The following CDKL5 variants were observed in gnomAD, a reference collection of about 807,000 sequenced individuals.
CDKL5 encodes cyclin dependent kinase like 5, also known as cyclin-dependent kinase-like 5.
A neutral mutation model predicts 61.7 loss-of-function variants in CDKL5; 8 were observed. The observed-to-expected ratio is 0.13, with a 90% CI of 0.08 to 0.23. CDKL5 has a LOEUF of 0.23. CDKL5 is among the 10% of genes least tolerant of loss of function. The pLI is 1.00. For missense variants in CDKL5, 440 were observed against 734.5 expected (o/e 0.60, Z 4.63); for synonymous variants, 275 against 272.3 (o/e 1.01, Z -0.10).
At chrX:18,588,204 A>G in intron 9 of CDKL5, 61 bp downstream of exon 9, 2 of 863,029 alleles carry the variant, frequency 2.3e-6, no homozygotes, top group Non-Finnish European at 1.7e-6. Context: ...GTCATTGTTC[A>G]TTGCACAATG....
intron 1 of CDKL5, chrX:18,426,251 A>G (rs948356312): frequency 3.5e-5 from 4 of 112,703 alleles, no homozygotes; most frequent in African/African-American, 9.6e-5. Context: ...CGGCTCCGCA[A>G]CCTCCCCCGG....
chrX:18,451,247 A>G (rs1338468207), intron 1 of CDKL5, among the ~76,000 whole-genome samples: 2 of 111,682 alleles, frequency 1.8e-5, no homozygotes, highest in Non-Finnish European at 3.8e-5. Flanking sequence ...GCTAGAGTGC[A>G]ATGGCATGAT....
intron 1 of CDKL5, among the ~76,000 whole-genome samples, chrX:18,487,437 A>C (rs1037842553): frequency 8.9e-6 from 1 of 112,617 alleles, no homozygotes; most frequent in African/African-American, 3.2e-5. Flanking sequence ...AGCTGGGACT[A>C]CAGGCATGGA....
intron 20 of CDKL5, chrX:18,646,148 G>C (rs936457878): frequency 4.0e-5 from 48 of 1,204,478 alleles, no homozygotes; most frequent in Non-Finnish European, 4.9e-5. Context: ...ACTACTGAAT[G>C]AAACTTTTTT....
intron 1 of CDKL5, among the ~76,000 whole-genome samples, chrX:18,499,800 G>A (rs191941628): frequency 1.8e-5 from 2 of 111,888 alleles, no homozygotes; most frequent in African/African-American, 3.3e-5. Flanking sequence ...CTTGTTCGTG[G>A]TATCTTACCT....
At chrX:18,537,713 T>C (rs1321765522) in intron 3 of CDKL5, among the ~76,000 whole-genome samples, 1 of 112,328 alleles carries the variant, frequency 8.9e-6, no homozygotes, top group African/African-American at 3.2e-5. Context: ...TTCATCTCTA[T>C]AATTTTGTCA....
In CDKL5 at chrX:18,522,072, G is replaced by GA. The variant is rs745576103; in HGVS notation, c.99+11225dup. ...TTGAAATTTTTTTTTTCATTTCTGG[G>GA]AAAAAAAGCTGTTGAAATTTTGATA... On this transcript the variant is annotated intron_variant, in intron 3 of 17. Transcript: ENST00000623535. Among the ~76,000 whole-genome samples the GA allele has an allele frequency of 4.3e-3, 476 of 110,480 alleles. 2 individuals carry two copies. In the Middle Eastern group the frequency reaches 0.046, roughly 11 times the overall value.
chrX:18,523,288 C>T (rs1923318816), intron 3 of CDKL5, among the ~76,000 whole-genome samples: 1 of 111,126 alleles, frequency 9.0e-6, no homozygotes, highest in Non-Finnish European at 1.9e-5. Context: ...CTCTAATTCC[C>T]CTATCCCCAG....
chrX:18,642,791 G>A (rs1368321305), downstream of CDKL5, among the ~76,000 whole-genome samples: 2 of 110,771 alleles, frequency 1.8e-5, no homozygotes, highest in East Asian at 2.8e-4. Context: ...TGTAATCCCA[G>A]CACTTTGGGA....
At chrX:18,471,155 T>A (rs996113819) in intron 1 of CDKL5, among the ~76,000 whole-genome samples, 1 of 111,559 alleles carries the variant, frequency 9.0e-6, no homozygotes, top group Admixed American at 9.6e-5. Context: ...TCTTTTTTTT[T>A]ATGTGTGGTT....
At chrX:18,528,808 T>C (rs1328676242) in intron 3 of CDKL5, among the ~76,000 whole-genome samples, 1 of 110,959 alleles carries the variant, frequency 9.0e-6, no homozygotes, top group Non-Finnish European at 1.9e-5. Context: ...TAACTTTTTG[T>C]ATTTTTTGTA....
chrX:18,548,224 A>G (rs1381186838), intron 3 of CDKL5, among the ~76,000 whole-genome samples: 3 of 110,420 alleles, frequency 2.7e-5, no homozygotes, highest in African/African-American at 9.9e-5. Flanking sequence ...CAAAGGCAAA[A>G]AGGAAAAAGG....
intron 14 of CDKL5, among the ~76,000 whole-genome samples, chrX:18,611,100 A>C (rs1926534701): frequency 2.7e-5 from 3 of 111,605 alleles, no homozygotes; most frequent in African/African-American, 9.8e-5. Flanking sequence ...TTGATTGAAT[A>C]TGCCATTTTT....
intron 20 of CDKL5, chrX:18,646,126 T>C (rs2147192773): frequency 8.3e-7 from 1 of 1,208,761 alleles, no homozygotes; most frequent in South Asian, 1.8e-5. Flanking sequence ...CAAGCTGCCA[T>C]AACGACCCTA....
intron 1 of CDKL5, among the ~76,000 whole-genome samples, chrX:18,495,638 T>C (rs750930654): frequency 8.9e-6 from 1 of 111,739 alleles, no homozygotes; most frequent in East Asian, 2.8e-4. Context: ...TCTTGCGAGG[T>C]TCCTCCTTGT....
chrX:18,512,634 A>G (rs1008955771), intron 3 of CDKL5, among the ~76,000 whole-genome samples: 19 of 111,122 alleles, frequency 1.7e-4, no homozygotes, highest in Admixed American at 2.9e-4. Flanking sequence ...TTCGAATACT[A>G]TTGGTTCTTG....
At chrX:18,549,533 A>G (rs1424681028) in intron 3 of CDKL5, among the ~76,000 whole-genome samples, 5 of 112,359 alleles carry the variant, frequency 4.5e-5, no homozygotes, top group African/African-American at 6.5e-5. Flanking sequence ...TCTTTGGTCA[A>G]TAAATTGGTT....
chrX:18,653,069 C>A (rs1928117093), intron 21 of CDKL5, among the ~76,000 whole-genome samples: 1 of 111,959 alleles, frequency 8.9e-6, no homozygotes, highest in Admixed American at 9.5e-5. Flanking sequence ...ATATATGTGA[C>A]AATATAGTAG....
At chrX:18,454,125 C>T (rs1021564097) in intron 1 of CDKL5, among the ~76,000 whole-genome samples, 2 of 111,466 alleles carry the variant, frequency 1.8e-5, no homozygotes, top group African/African-American at 3.3e-5. Context: ...TCCCCTTATT[C>T]GATGGTTTGG....
Sources: gnomAD v4.1 joint callset for allele counts (sites outside exome capture counted in the v4.1 genomes callset) on GRCh38, gnomAD v4.1.1 for gene constraint, MANE v1.5 for transcripts, NCBI Gene and HGNC (gene_info 2026-07-23, HGNC 2026-07-21) for gene names.